EYA3: variants seen among roughly 807,000 people sequenced by gnomAD.
EYA3 encodes the protein EYA transcriptional coactivator and phosphatase 3, also known as protein phosphatase EYA3.
EYA3 carries 39 observed loss-of-function variants against 80.0 expected under a neutral mutation model. The observed-to-expected ratio is 0.49, with a 90% CI of 0.38 to 0.64. The LOEUF (loss-of-function observed/expected upper bound fraction) is 0.64. Among genes scored for constraint, EYA3 ranks in the 30% least tolerant of loss-of-function variants. The pLI, the probability that EYA3 is intolerant of heterozygous loss-of-function variation, is 0.00. For missense variants in EYA3, 523 were observed against 676.1 expected (o/e 0.77, Z 2.51); for synonymous variants, 206 against 232.8 (o/e 0.88, Z 1.05).
In EYA3 at chr1:28,058,042, T is replaced by C; in HGVS notation, c.-16A>G. 2 of 1,579,682 alleles carry C rather than the reference T, an allele frequency of 1.3e-6. No homozygotes were observed. Among genetic ancestry groups the C allele is most frequent in the African/African-American group, 1.3e-5 (1 of 74,292 alleles). On this transcript the variant is annotated 5_prime_UTR_variant, in exon 2 of 18. Coordinates refer to ENST00000373871, the MANE Select transcript of EYA3 (RefSeq NM_001990.4). ...CTTCTTCCATGAGGACCAATATTTC[T>C]TTATTATACTTATGTGACTGGATTG...
intron 5 of EYA3, among the ~76,000 whole-genome samples, chr1:28,037,699 T>C (rs760845259): frequency 1.3e-5 from 2 of 152,234 alleles, no homozygotes; most frequent in Non-Finnish European, 2.9e-5. Flanking sequence ...ACCATTAGTG[T>C]TAATACCAGA....
At chr1:28,021,831 C>T (rs1642459277) in intron 7 of EYA3, among the ~76,000 whole-genome samples, 1 of 152,116 alleles carries the variant, frequency 6.6e-6, no homozygotes, top group African/African-American at 2.4e-5. Context: ...TCTCAAACTC[C>T]TGACCTCAAG....
In EYA3 at chr1:28,000,063, AG is replaced by A; in HGVS notation, c.994-15del. 6.4e-7 allele frequency: 1 copy of A among 1,566,790 alleles called. No homozygotes were observed. Among genetic ancestry groups the A allele is most frequent in the African/African-American group, 1.4e-5 (1 of 72,910 alleles). ...TACTGTTGGGTCCTAGAAGACAATA[AG>A]AAAAAATCAGCTTGACTTGGTAGTC... On this transcript the variant is annotated splice_polypyrimidine_tract_variant and intron_variant, in intron 11 of 17. Transcript: ENST00000373871.
chr1:27,999,387 G>A (rs1437910464), intron 12 of EYA3, among the ~76,000 whole-genome samples: 1 of 152,074 alleles, frequency 6.6e-6, no homozygotes, highest in East Asian at 1.9e-4. Context: ...AAATGTCAAA[G>A]CCAAAAAATT....
intron 11 of EYA3, among the ~76,000 whole-genome samples, chr1:28,000,305 A>G (rs1321929420): frequency 6.6e-6 from 1 of 152,090 alleles, no homozygotes; most frequent in Non-Finnish European, 1.5e-5. Flanking sequence ...AGGACAGAAA[A>G]TATGATTTTT....
At chr1:28,029,698 C>T (rs530308571) in intron 6 of EYA3, among the ~76,000 whole-genome samples, 5 of 151,294 alleles carry the variant, frequency 3.3e-5, no homozygotes, top group Admixed American at 6.6e-5. Context: ...CGGGTTCAAG[C>T]GACTCTCCTG....
intron 16 of EYA3, among the ~76,000 whole-genome samples, chr1:27,981,394 A>G (rs1639292470): frequency 6.6e-6 from 1 of 152,192 alleles, no homozygotes; most frequent in Non-Finnish European, 1.5e-5. Context: ...GTCTCAGTAT[A>G]ATAAGCACTA....
rs75744814 is a variant in EYA3 at position 28,059,700 on chromosome 1, T to C, written c.-68-1606A>G. ...CATTAGAGAAATGGAATACCTTCAA[T>C]ACCTCATTTGTTGGATTTTTTTTTT... On this transcript the variant is annotated intron_variant, in intron 1 of 17. Transcript: ENST00000373871. Among the ~76,000 whole-genome samples the C allele has an allele frequency of 2.8e-4, 42 of 150,594 alleles. 2 individuals are homozygous for C. In the East Asian group the frequency reaches 8.2e-3, roughly 29 times the overall value.
intron 1 of EYA3, among the ~76,000 whole-genome samples, chr1:28,068,332 C>G (rs1018782144): frequency 7.5e-6 from 1 of 133,114 alleles, no homozygotes; most frequent in African/African-American, 2.8e-5. Flanking sequence ...AGACTCCCAT[C>G]TCAAAAAAAA....
chr1:28,064,038 A>G (rs1436114929), intron 1 of EYA3, among the ~76,000 whole-genome samples: 1 of 152,184 alleles, frequency 6.6e-6, no homozygotes, highest in East Asian at 1.9e-4. Context: ...CACTCATTCA[A>G]TGTTAAAACA....
chr1:28,058,044 T>C lies in EYA3; in HGVS notation c.-18A>G. 6.3e-7 allele frequency: 1 copy of C among 1,578,676 alleles called. No homozygotes were observed. The highest frequency in any genetic ancestry group is 8.6e-7 in the Non-Finnish European group (1 of 1,159,472). ...TCTTCCATGAGGACCAATATTTCTTTATTATACTTATGTGACTGGATTGCA... is the reference window on the plus strand; with the variant it reads ...TCTTCCATGAGGACCAATATTTCTTCATTATACTTATGTGACTGGATTGCA... On this transcript the variant is annotated 5_prime_UTR_variant, in exon 2 of 18. The change creates a new upstream start codon in the 5' untranslated region. Transcript: ENST00000373871.
At chr1:28,014,039 G>A (rs1641870867) in intron 8 of EYA3, among the ~76,000 whole-genome samples, 1 of 152,080 alleles carries the variant, frequency 6.6e-6, no homozygotes, top group Admixed American at 6.6e-5. Flanking sequence ...CTCCAGCCTG[G>A]GTGACAAAGC....
At chr1:28,038,544 A>G (rs1230447105) in intron 5 of EYA3, among the ~76,000 whole-genome samples, 2 of 152,078 alleles carry the variant, frequency 1.3e-5, no homozygotes, top group Admixed American at 1.3e-4. Context: ...GGACAGAGAA[A>G]ATGATCAGAG....
intron 1 of EYA3, among the ~76,000 whole-genome samples, chr1:28,064,898 A>C (rs971095410): frequency 2.0e-5 from 3 of 152,248 alleles, no homozygotes; most frequent in Non-Finnish European, 4.4e-5. Flanking sequence ...TCAGAGATTT[A>C]AACAATTTGT....
chr1:28,078,530 A>G (rs998954868), intron 1 of EYA3, among the ~76,000 whole-genome samples: 3 of 151,834 alleles, frequency 2.0e-5, no homozygotes, highest in Admixed American at 6.6e-5. Context: ...CTTTTAATAT[A>G]TTAACTATTT....
Position 27,988,586 on chromosome 1 carries a change from C to A in EYA3, c.1489G>T (p.Gly497Ter). Residue 497 changes from glycine (G) to a stop codon, truncating the protein, a stop_gained, in exon 16 of 18, where the codon GGA (glycine) becomes TGA (stop). Coordinates refer to ENST00000373871, the MANE Select transcript of EYA3 (RefSeq NM_001990.4). LOFTEE classifies it high-confidence loss of function. The stretch of plus-strand genomic sequence containing the variant: ...TCAATAGGAAATATTTCTCCTAGTC[C>A]ATATAGGAGAACCTTGGCCAGGGCT... ...VPALAKVLLY[G>*]LGEIFPIENI... 1 of 1,613,212 alleles carries A rather than the reference C, an allele frequency of 6.2e-7. No homozygotes were observed. Among genetic ancestry groups the A allele is most frequent in the Non-Finnish European group, 8.5e-7 (1 of 1,179,230 alleles).
intron 2 of EYA3, among the ~76,000 whole-genome samples, chr1:28,056,002 T>C (rs1255388511): frequency 6.6e-6 from 1 of 152,156 alleles, no homozygotes; most frequent in Non-Finnish European, 1.5e-5. Context: ...AAGCTTTTTT[T>C]TTTTACCTCA....
At chr1:28,032,993 C>T (rs776303809) in intron 6 of EYA3, among the ~76,000 whole-genome samples, 3 of 152,140 alleles carry the variant, frequency 2.0e-5, no homozygotes, top group Non-Finnish European at 4.4e-5. Flanking sequence ...AGCTAGCTTA[C>T]CTCTTAGGGC....
At chr1:28,073,103 T>TTTTATATATATATA (rs1447435853) in intron 1 of EYA3, among the ~76,000 whole-genome samples, 1 of 37,762 alleles carries the variant, frequency 2.6e-5, no homozygotes, top group African/African-American at 1.6e-4. Context: ...GATGAAACTA[T>TTTTATATATATATA]TATATATATA....
Sources: allele counts gnomAD v4.1 joint callset (sites outside exome capture counted in the v4.1 genomes callset), GRCh38; gene constraint gnomAD v4.1.1; transcripts MANE v1.5; gene names NCBI Gene and HGNC (gene_info 2026-07-23, HGNC 2026-07-21).